TIPIN: variants seen among roughly 807,000 people sequenced by gnomAD.
The protein encoded by TIPIN is TIMELESS interacting protein, also known as TIMELESS-interacting protein.
TIPIN carries 29 observed loss-of-function variants against 35.6 expected under a neutral mutation model. That is an observed-to-expected ratio of 0.82 (90% CI 0.61 to 1.11). The LOEUF (loss-of-function observed/expected upper bound fraction) is 1.11, where lower values mean the gene tolerates loss of function less well. TIPIN is among the 50% of genes most tolerant of loss of function. The probability of loss-of-function intolerance (pLI) is 0.00; values close to 1 mark genes in which losing one functional copy is unlikely to be tolerated. For missense variants in TIPIN, 296 were observed against 345.4 expected, an observed-to-expected ratio of 0.86 and a Z score of 1.13; for synonymous variants, 102 against 121.5, an observed-to-expected ratio of 0.84 and a Z score of 1.06.
intron 1 of TIPIN, chr15:66,366,927 A>C (rs1378449334): frequency 1.8e-5 from 18 of 982,716 alleles, no homozygotes; most frequent in Non-Finnish European, 2.2e-5. Flanking sequence ...CATACCTGTA[A>C]TCCCACCACT....
upstream of TIPIN, among the ~76,000 whole-genome samples, chr15:66,361,268 T>G (rs1267339472): frequency 6.6e-6 from 1 of 151,424 alleles, no homozygotes; most frequent in African/African-American, 2.4e-5. Context: ...ATTTTTTTTT[T>G]TTTTTGAGAT....
intron 2 of TIPIN, 83 bp downstream of exon 2, chr15:66,352,732 C>G: frequency 7.0e-7 from 1 of 1,425,306 alleles, no homozygotes; most frequent in Non-Finnish European, 9.3e-7. Context: ...CCGCCCGCCT[C>G]AGCATCCCAA....
chr15:66,339,266 T>G (rs2093068955), intron 7 of TIPIN, among the ~76,000 whole-genome samples: 1 of 150,990 alleles, frequency 6.6e-6, no homozygotes, highest in African/African-American at 2.4e-5. Flanking sequence ...ACATGGTATC[T>G]AGTTATTATA....
chr15:66,346,404 C>A (rs1350634033), intron 6 of TIPIN, among the ~76,000 whole-genome samples: 1 of 151,174 alleles, frequency 6.6e-6, no homozygotes, highest in African/African-American at 2.4e-5. Context: ...TTTTTAATTT[C>A]TTTTTTCTTC....
At chr15:66,352,260 T>C in intron 2 of TIPIN, 53 bp from the exon 3 acceptor site, 4 of 1,350,258 alleles carry the variant, frequency 3.0e-6, no homozygotes, top group Admixed American at 2.2e-5. Context: ...ATTTGTATTA[T>C]TTATTATGTA....
In TIPIN at chr15:66,347,223, G is replaced by A. The variant is rs200612645; in HGVS notation, c.475+1837C>T. The A allele has an allele frequency of 2.8e-3, 1,460 of 516,424 alleles. 3 individuals are homozygous for A. The highest frequency in any genetic ancestry group is 3.7e-3 in the Non-Finnish European group (955 of 258,774). 32.0% of individuals were successfully genotyped at this position (516,424 alleles called of 1,614,324 possible). On this transcript the variant is annotated intron_variant, in intron 6 of 7. Coordinates refer to ENST00000261881, the MANE Select transcript of TIPIN (RefSeq NM_017858.3). Reference sequence around the variant, plus strand: ...AAAAACAAACATGTATGGAGCCATCGCACAGAAAATCTGATAACTATACAG... The same window carrying A: ...AAAAACAAACATGTATGGAGCCATCACACAGAAAATCTGATAACTATACAG...
At chr15:66,362,799 C>T (rs573420964) in intron 1 of TIPIN, among the ~76,000 whole-genome samples, 1 of 152,156 alleles carries the variant, frequency 6.6e-6, no homozygotes, top group South Asian at 2.1e-4. Flanking sequence ...CTATCTCAAT[C>T]CCACATTAAA....
chr15:66,367,707 A>C (rs541164387), intron 1 of TIPIN, among the ~76,000 whole-genome samples: 100 of 151,434 alleles, frequency 6.6e-4, no homozygotes, highest in African/African-American at 2.1e-3. Context: ...AGTCTTTCTA[A>C]ATATAATCAC....
At chr15:66,356,688 G>A, upstream of TIPIN, 1 of 985,552 alleles carries the variant, frequency 1.0e-6, no homozygotes, top group Non-Finnish European at 1.2e-6. Flanking sequence ...TGCAGACTAA[G>A]CGCGCTTCTC....
intron 1 of TIPIN, among the ~76,000 whole-genome samples, chr15:66,355,013 T>C (rs1430203398): frequency 6.6e-6 from 1 of 150,564 alleles, no homozygotes; most frequent in Non-Finnish European, 1.5e-5. Context: ...ACACAGCAAG[T>C]GCTCAATATA....
intron 1 of TIPIN, among the ~76,000 whole-genome samples, chr15:66,376,250 A>G (rs975961237): frequency 5.3e-5 from 8 of 152,172 alleles, no homozygotes; most frequent in Admixed American, 1.3e-4. Context: ...ATTCTTTGGA[A>G]TGACCGTACT....
At chr15:66,379,973 A>G (rs2093312080) in intron 1 of TIPIN, 1 of 743,924 alleles carries the variant, frequency 1.3e-6, no homozygotes, top group African/African-American at 1.8e-5. Flanking sequence ...AAGTAGGGAT[A>G]CACCTTCATT....
At position 66,336,945 on chromosome 15, in the gene TIPIN, T is replaced by C; in HGVS notation, c.*13A>G. On this transcript the variant is annotated 3_prime_UTR_variant, in exon 8 of 8. Coordinates refer to ENST00000261881, the MANE Select transcript of TIPIN (RefSeq NM_017858.3). ...ACGATGACTTAACAGATACATTTTC[T>C]CTTAATGGAAACTTATCTAGCTTCA... is the stretch of plus-strand genomic sequence containing the variant. The C allele has an allele frequency of 6.2e-7, 1 of 1,604,588 alleles. No homozygotes were observed. The highest frequency in any genetic ancestry group is 2.2e-5 in the East Asian group (1 of 44,662).
intron 1 of TIPIN, among the ~76,000 whole-genome samples, chr15:66,368,380 TG>T (rs1438515233): frequency 2.7e-5 from 4 of 147,864 alleles, no homozygotes; most frequent in African/African-American, 9.9e-5. Flanking sequence ...GCGCTGGGTA[TG>T]GTATCACACA....
chr15:66,338,610 C>T (rs571225989), intron 7 of TIPIN, among the ~76,000 whole-genome samples: 18 of 151,774 alleles, frequency 1.2e-4, no homozygotes, highest in African/African-American at 4.1e-4. Flanking sequence ...GTTAGGGGAT[C>T]GAGACCATCC....
At chr15:66,344,400 A>G (rs1163923578) in intron 6 of TIPIN, among the ~76,000 whole-genome samples, 1 of 152,086 alleles carries the variant, frequency 6.6e-6, no homozygotes, top group African/African-American at 2.4e-5. Context: ...TCACCAACAT[A>G]GCAAGACCTC....
At chr15:66,384,180 G>A (rs1332355716) in intron 1 of TIPIN, among the ~76,000 whole-genome samples, 1 of 151,714 alleles carries the variant, frequency 6.6e-6, no homozygotes, top group Non-Finnish European at 1.5e-5. Context: ...GTATTTTTTA[G>A]TAGAGATGGG....
chr15:66,349,480 C>T, intron 4 of TIPIN, 43 bp from the exon 5 acceptor site: 1 of 1,586,332 alleles, frequency 6.3e-7, no homozygotes, highest in South Asian at 1.2e-5. Flanking sequence ...GTCTCATTCT[C>T]ACAGCTGACC....
intron 7 of TIPIN, among the ~76,000 whole-genome samples, chr15:66,337,781 A>AAT (rs2093055694): frequency 4.8e-5 from 3 of 62,850 alleles, no homozygotes; most frequent in Admixed American, 1.7e-4. Flanking sequence ...AAAATAAAAT[A>AAT]AAAAAAAAAA....
Sources: allele counts gnomAD v4.1 joint callset (sites outside exome capture counted in the v4.1 genomes callset), GRCh38; gene constraint gnomAD v4.1.1; transcripts MANE v1.5; gene names NCBI Gene and HGNC (gene_info 2026-07-23, HGNC 2026-07-21).